The following USP25 variants were observed in gnomAD, a reference collection of about 807,000 sequenced individuals.
USP25 encodes ubiquitin carboxyl-terminal hydrolase 25.
USP25 carries 85 observed loss-of-function variants against 158.5 expected under a neutral mutation model. The observed-to-expected ratio is 0.54, with a 90% confidence interval of 0.45 to 0.64. The LOEUF (loss-of-function observed/expected upper bound fraction) is 0.64, where lower values mean the gene tolerates loss of function less well. Ranked by LOEUF, USP25 falls within the 30% of genes least tolerant of loss-of-function variation. USP25 has a pLI of 0.00. For missense variants in USP25, 1,242 were observed against 1,327.3 expected, an observed-to-expected ratio of 0.94 and a Z score of 1.00; for synonymous variants, 464 against 460.4, an observed-to-expected ratio of 1.01 and a Z score of -0.10.
chr21:15,838,291 C>T (rs2038158554), intron 17 of USP25, among the ~76,000 whole-genome samples: 1 of 151,806 alleles, frequency 6.6e-6, no homozygotes, highest in Non-Finnish European at 1.5e-5. Context: ...GATAGATGTT[C>T]CTTGAAAGTT....
rs1403673053 is a variant in USP25 at position 15,864,304 on chromosome 21, G to A, written c.2584G>A (p.Ala862Thr). Reference protein sequence around the residue: ...KLEYARLVKLAQEDTPPETDY... With the variant: ...KLEYARLVKLTQEDTPPETDY... Reference sequence around the variant, plus strand: ...GGAATATGCAAGGTTGGTTAAGTTGGCCCAAGAAGACACCCCACCAGAAAC... The same window carrying A: ...GGAATATGCAAGGTTGGTTAAGTTGACCCAAGAAGACACCCCACCAGAAAC... The change falls in exon 21 of 26, where the codon GCC becomes ACC. Residue 862 changes from alanine to threonine, a missense_variant. Coordinates refer to ENST00000400183, the MANE Select transcript of USP25 (RefSeq NM_001283041.3). 6.2e-7 allele frequency: 1 copy of A among 1,610,548 alleles called. No individual in the cohort carries two copies. Among genetic ancestry groups the A allele is most frequent in the South Asian group, 1.1e-5 (1 of 89,766 alleles).
At chr21:15,856,388 A>G (rs566962051) in intron 20 of USP25, among the ~76,000 whole-genome samples, 1 of 152,308 alleles carries the variant, frequency 6.6e-6, no homozygotes, top group Non-Finnish European at 1.5e-5. Flanking sequence ...TGTATATCCT[A>G]GAGAGATAGA....
intron 1 of USP25, 28 bp downstream of exon 1, chr21:15,730,466 C>A: frequency 7.5e-7 from 1 of 1,334,418 alleles, no homozygotes; most frequent in Non-Finnish European, 9.6e-7. Flanking sequence ...GCCGGCGGGC[C>A]CCACTTCTCC....
Position 15,766,260 on chromosome 21 carries a change from T to C in USP25, c.268+119T>C. The C allele has an allele frequency of 2.3e-6, 2 of 870,596 alleles. No homozygotes were observed. The highest frequency in any genetic ancestry group is 2.9e-5 in the South Asian group (1 of 34,368). The allele number at this position is 870,596 out of a possible 1,614,324, so 53.9% of individuals were successfully genotyped here. A position where few individuals can be genotyped will look rare whatever the true frequency, so the allele number is the denominator to read the frequency against. On this transcript the variant is annotated intron_variant, in intron 3 of 25. Transcript: ENST00000400183. This position sits in a 1 kb window ranked among gnomAD's most constrained non-coding sequence, Gnocchi z 4.0. Reference sequence around the variant, plus strand: ...GAACCAAAAAAGAACTCTATTAACCTTGGTTCTTTTTAATGTAGTTGAAAG... The same window carrying C: ...GAACCAAAAAAGAACTCTATTAACCCTGGTTCTTTTTAATGTAGTTGAAAG...
At chr21:15,842,370 A>C in intron 17 of USP25, 28 bp from the exon 18 acceptor site, 1 of 1,608,754 alleles carries the variant, frequency 6.2e-7, no homozygotes, top group Non-Finnish European at 8.5e-7. Flanking sequence ...TTTATATTAG[A>C]TATATAATTG....
At chr21:15,860,302 A>G (rs1044060459) in intron 20 of USP25, among the ~76,000 whole-genome samples, 2 of 152,182 alleles carry the variant, frequency 1.3e-5, no homozygotes, top group African/African-American at 2.4e-5. Flanking sequence ...ACAGGCGCCC[A>G]TCACCATGCC....
chr21:15,870,110 T>C lies in USP25; in HGVS notation c.2848T>C (p.Tyr950His). The change falls in exon 23 of 26, where the codon TAT (tyrosine) becomes CAT (histidine). Residue 950 changes from tyrosine to histidine, a missense_variant. Coordinates refer to ENST00000400183, the MANE Select transcript of USP25 (RefSeq NM_001283041.3). ...TAGGAAATTCAGGGAAACAACTATG[T>C]ATCTCATAATTGGGCTAGAAAATTT... ...DYRKFRETTM[Y>H]LIIGLENFQR... The C allele has an allele frequency of 3.7e-6, 6 of 1,610,282 alleles. No individual in the cohort carries two copies. The highest frequency in any genetic ancestry group is 5.1e-6 in the Non-Finnish European group (6 of 1,178,310).
At chr21:15,803,889 G>T (rs537467902) in intron 6 of USP25, among the ~76,000 whole-genome samples, 1 of 151,812 alleles carries the variant, frequency 6.6e-6, no homozygotes. Flanking sequence ...TTCTATGTGG[G>T]TTATACTATT....
intron 7 of USP25, among the ~76,000 whole-genome samples, chr21:15,807,854 A>G (rs2036470067): frequency 1.3e-5 from 2 of 152,312 alleles, no homozygotes; most frequent in East Asian, 3.9e-4. Context: ...GCAGGCTACT[A>G]TTCAACCCGC....
chr21:15,832,859 T>C (rs1601067697), intron 16 of USP25, among the ~76,000 whole-genome samples: 1 of 151,768 alleles, frequency 6.6e-6, no homozygotes, highest in African/African-American at 2.4e-5. Flanking sequence ...CTACTAAAAA[T>C]ACAAAAAAAT....
At chr21:15,761,234 T>G (rs952552906) in intron 1 of USP25, among the ~76,000 whole-genome samples, 1 of 152,174 alleles carries the variant, frequency 6.6e-6, no homozygotes, top group African/African-American at 2.4e-5. Context: ...CTAACTTTGA[T>G]CTCTTGGTTA....
chr21:15,870,011 T>C, intron 22 of USP25, 57 bp from the exon 23 acceptor site: 2 of 1,338,182 alleles, frequency 1.5e-6, no homozygotes, highest in Non-Finnish European at 2.1e-6. Context: ...TTGTACAGTT[T>C]CATAGTACTT....
intron 18 of USP25, 87 bp from the exon 19 acceptor site, chr21:15,847,576 A>T: frequency 1.2e-6 from 1 of 857,372 alleles, no homozygotes; most frequent in East Asian, 2.7e-5. Flanking sequence ...CTGCTTAGGG[A>T]TGTGCAGGTT....
intron 16 of USP25, among the ~76,000 whole-genome samples, chr21:15,832,703 C>T (rs1032970371): frequency 3.3e-5 from 5 of 150,760 alleles, no homozygotes; most frequent in African/African-American, 1.2e-4. Context: ...AGTAGTATTA[C>T]ATCACTGTTA....
At chr21:15,808,922 A>T (rs2036522627) in intron 8 of USP25, 37 bp downstream of exon 8, 1 of 1,406,974 alleles carries the variant, frequency 7.1e-7, no homozygotes, top group Admixed American at 1.9e-5. Context: ...GGGTTTTAGG[A>T]ATTCATTAGA....
At chr21:15,824,532 G>T (rs1470766230) in intron 11 of USP25, among the ~76,000 whole-genome samples, 1 of 151,720 alleles carries the variant, frequency 6.6e-6, no homozygotes, top group Non-Finnish European at 1.5e-5. Flanking sequence ...CTGTCTCTCT[G>T]TCTTCCTGTC....
At chr21:15,763,041 G>T in intron 2 of USP25, 73 bp downstream of exon 2, 4 of 1,367,844 alleles carry the variant, frequency 2.9e-6, no homozygotes, top group South Asian at 1.6e-5. Context: ...TTTGATAGTT[G>T]ATTTTTTTTT....
At position 15,866,155 on chromosome 21, in the gene USP25, T is replaced by C. The variant is rs2039646668; in HGVS notation, c.2727-111T>C. On this transcript the variant is annotated intron_variant, in intron 21 of 25. Transcript: ENST00000400183. ...TTTAGGAGTTGTTTCTATACAAAAG[T>C]ACTGCTGTTTTTGCTCAGTGTTTAT... is the stretch of plus-strand genomic sequence containing the variant. 1.4e-5 allele frequency: 7 copies of C among 507,858 alleles called. No homozygotes were observed. In the South Asian group the frequency reaches 6.6e-4, roughly 48 times the overall value. The allele number at this position is 507,858 out of a possible 1,614,324, so 31.5% of individuals were successfully genotyped here.
At chr21:15,853,460 C>T (rs1374946547) in intron 20 of USP25, among the ~76,000 whole-genome samples, 2 of 152,148 alleles carry the variant, frequency 1.3e-5, no homozygotes, top group Admixed American at 6.5e-5. Flanking sequence ...TCCCAGTCTA[C>T]CATTTCTATT....
Sources: gnomAD v4.1 joint callset for allele counts (sites outside exome capture counted in the v4.1 genomes callset) on GRCh38, gnomAD v4.1.1 for gene constraint, Gnocchi (gnomAD v3.1) non-coding constraint, MANE v1.5 for transcripts, NCBI Gene and HGNC (gene_info 2026-07-23, HGNC 2026-07-21) for gene names.